TNFSF4: variants seen among roughly 807,000 people sequenced by gnomAD.
TNFSF4 encodes tumor necrosis factor ligand superfamily member 4.
In TNFSF4, 4 loss-of-function variants were observed where a neutral mutation model predicts 7.3. That is an observed-to-expected ratio of 0.55 (90% CI 0.27 to 1.25). The LOEUF (loss-of-function observed/expected upper bound fraction) is 1.25, where lower values mean the gene tolerates loss of function less well. Among genes scored for constraint, TNFSF4 ranks in the 50% most tolerant of loss-of-function variants. The probability of loss-of-function intolerance (pLI) is 0.12; values close to 1 mark genes in which losing one functional copy is unlikely to be tolerated. For synonymous variants in TNFSF4, 76 were observed against 83.7 expected (o/e 0.91, Z 0.50); for missense variants, 181 against 208.8 (o/e 0.87, Z 0.82).
the TNFSF4 span, among the ~76,000 whole-genome samples, chr1:173,428,056 C>T: frequency 6.6e-6 from 1 of 151,568 alleles, no homozygotes; most frequent in African/African-American, 2.4e-5. Flanking sequence ...CAAGCGATTC[C>T]TGCCTCAGCC....
At chr1:173,205,214 T>A (rs978287717) in intron 1 of TNFSF4, 2 of 1,435,492 alleles carry the variant, frequency 1.4e-6, no homozygotes, top group African/African-American at 1.4e-5. Context: ...AGACAGGGCA[T>A]GTTTCTTAAG....
chr1:173,380,404 A>T, the TNFSF4 span, among the ~76,000 whole-genome samples: 2 of 152,212 alleles, frequency 1.3e-5, no homozygotes, highest in Middle Eastern at 6.8e-3. Flanking sequence ...AGTCCAAATC[A>T]GGCTAAAAGA....
chr1:173,299,273 G>C, the TNFSF4 span, among the ~76,000 whole-genome samples: 4 of 151,790 alleles, frequency 2.6e-5, no homozygotes, highest in African/African-American at 9.7e-5. Flanking sequence ...TCATTCTCTG[G>C]AAACTGCCCT....
chr1:173,409,619 C>G, the TNFSF4 span, among the ~76,000 whole-genome samples: 1 of 152,058 alleles, frequency 6.6e-6, no homozygotes, highest in Admixed American at 6.6e-5. Context: ...AGGTAAAGCC[C>G]AAGACTACAG....
intron 1 of TNFSF4, among the ~76,000 whole-genome samples, chr1:173,190,888 G>C (rs966464463): frequency 7.9e-5 from 12 of 152,204 alleles, no homozygotes; most frequent in African/African-American, 2.4e-4. Flanking sequence ...AATCTCCTTA[G>C]ATGGCAGTTT....
the TNFSF4 span, among the ~76,000 whole-genome samples, chr1:173,369,414 G>A: frequency 6.6e-6 from 1 of 152,090 alleles, no homozygotes; most frequent in African/African-American, 2.4e-5. Context: ...CTTCGGTAAG[G>A]GCCACTGAAT....
the TNFSF4 span, among the ~76,000 whole-genome samples, chr1:173,283,385 A>T: frequency 2.6e-5 from 4 of 152,180 alleles, no homozygotes; most frequent in Admixed American, 6.5e-5. Flanking sequence ...TTTGATCAGT[A>T]TTGCAGATAA....
At chr1:173,424,472 T>TG in the TNFSF4 span, among the ~76,000 whole-genome samples, 1 of 152,170 alleles carries the variant, frequency 6.6e-6, no homozygotes, top group Non-Finnish European at 1.5e-5. Flanking sequence ...TGTGGGCCGG[T>TG]GGGCCCAATG....
At chr1:173,175,232 G>C in the TNFSF4 span, 3 of 152,172 alleles carry the variant, frequency 2.0e-5, no homozygotes, top group Non-Finnish European at 4.4e-5. Flanking sequence ...GGATACAGCT[G>C]ATAAGTGGTG....
At chr1:173,299,792 C>T in the TNFSF4 span, among the ~76,000 whole-genome samples, 10,629 of 151,816 alleles carry the variant, frequency 0.07, 569 homozygotes, top group Non-Finnish European at 0.1. Context: ...AGGATTCCAC[C>T]TGCCCCCAAC....
intron 1 of TNFSF4, among the ~76,000 whole-genome samples, chr1:173,196,670 G>A (rs550488608): frequency 6.6e-6 from 1 of 152,074 alleles, no homozygotes; most frequent in African/African-American, 2.4e-5. Context: ...CTATATTTAG[G>A]TAAACAATCA....
intron 1 of TNFSF4, 40 bp downstream of exon 1, chr1:173,206,984 A>G (rs1332382702): frequency 1.9e-6 from 3 of 1,562,302 alleles, no homozygotes; most frequent in Non-Finnish European, 2.6e-6. Context: ...TGCCATCAGC[A>G]TGAGCTGGTG....
At chr1:173,277,770 A>C in the TNFSF4 span, among the ~76,000 whole-genome samples, 1 of 152,122 alleles carries the variant, frequency 6.6e-6, no homozygotes, top group African/African-American at 2.4e-5. Flanking sequence ...ACTTAGTCTC[A>C]CAGAAGTCCA....
chr1:173,196,064 G>A (rs1649687139), intron 1 of TNFSF4, among the ~76,000 whole-genome samples: 1 of 152,066 alleles, frequency 6.6e-6, no homozygotes, highest in African/African-American at 2.4e-5. Flanking sequence ...TTCACTCTTA[G>A]CCACCACAGT....
At chr1:173,384,457 C>T in the TNFSF4 span, among the ~76,000 whole-genome samples, 1 of 152,142 alleles carries the variant, frequency 6.6e-6, no homozygotes, top group East Asian at 1.9e-4. Context: ...TTTAGAGTTA[C>T]TATAGTAGCT....
At chr1:173,405,080 T>G in the TNFSF4 span, among the ~76,000 whole-genome samples, 5 of 152,214 alleles carry the variant, frequency 3.3e-5, no homozygotes, top group African/African-American at 9.7e-5. Flanking sequence ...CTTCCCCTAT[T>G]AAATGTAAGT....
At chr1:173,239,699 G>T in the TNFSF4 span, among the ~76,000 whole-genome samples, 32 of 152,122 alleles carry the variant, frequency 2.1e-4, no homozygotes, top group Admixed American at 1.7e-3. Flanking sequence ...GTGTCTATTT[G>T]TCCTCACTGG....
chr1:173,186,498 G>C lies in TNFSF4; in HGVS notation c.*18C>G, dbSNP rs775519432. ...GTGTTCATGCTGGTGCCTGGTTTTA[G>C]ATATTGCCATCAGCCCCTCAAAGGA... On this transcript the variant is annotated 3_prime_UTR_variant, in exon 3 of 3. Transcript: ENST00000281834. 1.0e-5 allele frequency: 16 copies of C among 1,585,642 alleles called. No homozygotes were observed. The highest frequency in any genetic ancestry group is 1.4e-5 in the Non-Finnish European group (16 of 1,161,086).
At chr1:173,355,734 A>C in the TNFSF4 span, among the ~76,000 whole-genome samples, 1 of 152,236 alleles carries the variant, frequency 6.6e-6, no homozygotes, top group African/African-American at 2.4e-5. Context: ...CCCAGTGAAC[A>C]CATACTTGTT....
Sources: allele counts gnomAD v4.1 joint callset (sites outside exome capture counted in the v4.1 genomes callset), GRCh38; gene constraint gnomAD v4.1.1; transcripts MANE v1.5; gene names NCBI Gene and HGNC (gene_info 2026-07-23, HGNC 2026-07-21).